PSG7: variants seen among roughly 807,000 people sequenced by gnomAD.
The protein encoded by PSG7 is pregnancy-specific beta-1-glycoprotein 7.
Under a neutral mutation model 45.6 loss-of-function variants are expected in PSG7, and 57 were observed. The observed-to-expected ratio is 1.25, with a 90% confidence interval of 1.01 to 1.56. The LOEUF (loss-of-function observed/expected upper bound fraction) is 1.56, where lower values mean the gene tolerates loss of function less well. PSG7 is among the 40% of genes most tolerant of loss of function. The probability of loss-of-function intolerance (pLI) is 0.00; values close to 1 mark genes in which losing one functional copy is unlikely to be tolerated. For synonymous variants in PSG7, 298 were observed against 194.4 expected (o/e 1.53, Z -4.43); for missense variants, 796 against 508.4 (o/e 1.57, Z -5.44).
At chr19:42,924,959 A>G in intron 5 of PSG7, 135 bp from the exon 6 acceptor site, 1 of 680,946 alleles carries the variant, frequency 1.5e-6, no homozygotes, top group East Asian at 2.6e-5. Context: ...TTTCAGTAGA[A>G]TAAGTTTGTT....
rs752558203 is a variant in PSG7 at position 42,929,463 on chromosome 19, G to C, written c.688C>G (p.Pro230Ala). ...RNPVSASRSD[P>A]VTLNLLPKLP... ...TCACGGAGGAGATTCAGGGTGACTGGGTCACTGCGGCTGGCACTCACTGGG... is the reference window on the plus strand; with the variant it reads ...TCACGGAGGAGATTCAGGGTGACTGCGTCACTGCGGCTGGCACTCACTGGG... The change falls in exon 3 of 6, where the codon CCA becomes GCA. Residue 230 changes from proline to alanine, a missense_variant. Coordinates refer to ENST00000406070, the MANE Select transcript of PSG7 (RefSeq NM_002783.3). 1.9e-6 allele frequency: 3 copies of C among 1,612,484 alleles called. No homozygotes were observed. Among genetic ancestry groups the C allele is most frequent in the Non-Finnish European group, 1.7e-6 (2 of 1,179,136 alleles).
At chr19:42,932,137 C>T (rs4426457) in intron 2 of PSG7, among the ~76,000 whole-genome samples, 114,675 of 150,994 alleles carry the variant, frequency 0.76, 44,335 homozygotes, top group East Asian at 1. Flanking sequence ...CATTCTCCTG[C>T]CTCAGCCTCC....
Position 42,926,240 on chromosome 19 carries a change from A to C in PSG7, c.988+198T>G, listed in dbSNP as rs1363459946. 6.6e-5 allele frequency: 92 copies of C among 1,386,590 alleles called. 2 individuals are homozygous for C. Among genetic ancestry groups the C allele is most frequent in the South Asian group, 3.2e-4 (21 of 66,468 alleles). 85.9% of individuals were successfully genotyped at this position (1,386,590 alleles called of 1,614,324 possible). On this transcript the variant is annotated intron_variant, in intron 4 of 5. Transcript: ENST00000406070. The stretch of plus-strand genomic sequence containing the variant: ...CAAGTCTCCCATGACAAGAGCGTCC[A>C]CTCCCCTTATATTCTTGGTTAAGGC...
intron 5 of PSG7, 139 bp from the exon 6 acceptor site, chr19:42,924,963 G>A (rs528507488): frequency 7.4e-6 from 5 of 672,840 alleles, no homozygotes; most frequent in East Asian, 2.6e-5. Context: ...AGTAGAATAA[G>A]TTTGTTTGCA....
At chr19:42,926,066 G>T (rs200429477) in intron 4 of PSG7, 39 bp from the exon 5 acceptor site, 4 of 1,602,550 alleles carry the variant, frequency 2.5e-6, no homozygotes, top group Middle Eastern at 1.7e-4. Context: ...GATGTTATCC[G>T]AGGGAAGGGG....
In PSG7 at chr19:42,926,697, G is replaced by A. The variant is rs755456240; in HGVS notation, c.729C>T (p.Tyr243=). The A allele has an allele frequency of 6.8e-6, 11 of 1,610,456 alleles. No homozygotes were observed. The highest frequency in any genetic ancestry group is 3.3e-5 in the Admixed American group (2 of 59,874). Residue 243 remains tyrosine (Y), a synonymous_variant, in exon 4 of 6, where the codon TAC becomes TAT. Transcript: ENST00000406070. The part of the protein sequence containing the change: ...LNLLPKLPKP[Y]ITINNLNPRE... The stretch of plus-strand genomic sequence containing the variant: ...TGGGGTTTAAGTTATTGATGGTGAT[G>A]TAGGGCTTGGGCAGCTTCGCTGTGT...
rs768761409 is a variant in PSG7, at chr19:42,926,607, C to G, written c.819G>C (p.Trp273Cys). The part of the protein sequence containing the change: ...EPKSENYTYI[W>C]WLNGQSLPVS... Reference sequence around the variant, plus strand: ...CCGGGAGGCTCTGACCATTTAGCCACCAAATGTAGGTGTAGTTCTCACTCT... The same window carrying G: ...CCGGGAGGCTCTGACCATTTAGCCAGCAAATGTAGGTGTAGTTCTCACTCT... Residue 273 changes from tryptophan to cysteine, a missense_variant, in exon 4 of 6, where the codon TGG (tryptophan) becomes TGC (cysteine). Physicochemically the swap from Trp to Cys is radical, Grantham distance 215. Transcript: ENST00000406070. 6.2e-7 allele frequency: 1 copy of G among 1,610,268 alleles called. No homozygotes were observed. Among genetic ancestry groups the G allele is most frequent in the Non-Finnish European group, 8.5e-7 (1 of 1,179,030 alleles).
Position 42,929,704 on chromosome 19 carries a change from G to A in PSG7, c.447C>T (p.Pro149=), listed in dbSNP as rs1972977187. 1 of 1,612,134 alleles carries A rather than the reference G, an allele frequency of 6.2e-7. No homozygotes were observed. The highest frequency in any genetic ancestry group is 1.3e-5 in the African/African-American group (1 of 74,700). ...TFTLYLETPK[P]SISSSNFNPR... ...GGTTGAAATTGCTGCTGGAGATGGA[G>A]GGTTTGGGAGTCTCCACTGTGCGGA... is the stretch of plus-strand genomic sequence containing the variant. The change falls in exon 3 of 6, where the codon CCC becomes CCT. Residue 149 remains proline (P), a synonymous_variant. Coordinates refer to ENST00000406070, the MANE Select transcript of PSG7 (RefSeq NM_002783.3).
chr19:42,929,653 A>G lies in PSG7; in HGVS notation c.498T>C (p.Ile166=), dbSNP rs1065178. The G allele has an allele frequency of 0.31, 507,595 of 1,611,904 alleles. 92,389 individuals carry two copies. The highest frequency in any genetic ancestry group is 0.57 in the African/African-American group (42,424 of 74,544). The change falls in exon 3 of 6, where the codon ATT becomes ATC. Residue 166 remains isoleucine (I), a synonymous_variant. Transcript: ENST00000406070. ...CTGGAGTCTCAGGATCACAGGTTAAAATCACAGCCTCCGTGGCCTCCCTGG... is the reference window on the plus strand; with the variant it reads ...CTGGAGTCTCAGGATCACAGGTTAAGATCACAGCCTCCGTGGCCTCCCTGG... The part of the protein sequence containing the change: ...FNPREATEAV[I]LTCDPETPDA...
rs59007849 is a variant in PSG7, at chr19:42,929,733, CAG to C, written c.431-15_431-14del. The C allele has an allele frequency of 2.5e-6, 4 of 1,609,002 alleles. No homozygotes were observed. Among genetic ancestry groups the C allele is most frequent in the East Asian group, 2.2e-5 (1 of 44,774 alleles). Reference sequence around the variant, plus strand: ...TTGGGAGTCTCCACTGTGCGGAAAACAGAGAGAAGATTGCCCTGTGTGGCACC... The same window carrying C: ...TTGGGAGTCTCCACTGTGCGGAAAACAGAGAAGATTGCCCTGTGTGGCACC... On this transcript the variant is annotated splice_polypyrimidine_tract_variant and intron_variant, in intron 2 of 5. Transcript: ENST00000406070.
chr19:42,932,935 G>A (rs1332029554), intron 2 of PSG7, among the ~76,000 whole-genome samples: 1 of 150,942 alleles, frequency 6.6e-6, no homozygotes, highest in Non-Finnish European at 1.5e-5. Flanking sequence ...TGTAGAACGT[G>A]AGATTGGTCT....
Position 42,924,758 on chromosome 19 carries a change from G to T in PSG7, c.*50C>A. On this transcript the variant is annotated 3_prime_UTR_variant, in exon 6 of 6. Coordinates refer to ENST00000406070, the MANE Select transcript of PSG7 (RefSeq NM_002783.3). ...GGGCTTCTGGAACAGAGTGGGTCTT[G>T]CTCTTTGAGGTTCCATGGGAGAAGA... The T allele has an allele frequency of 2.6e-6, 2 of 767,872 alleles. No individual in the cohort carries two copies. Among genetic ancestry groups the T allele is most frequent in the Non-Finnish European group, 2.4e-6 (1 of 417,502 alleles). 47.6% of individuals were successfully genotyped at this position (767,872 alleles called of 1,614,324 possible). A position where few individuals can be genotyped will look rare whatever the true frequency, so the allele number is the denominator to read the frequency against.
At chr19:42,925,395 T>C (rs1600560474) in intron 5 of PSG7, 1 of 437,336 alleles carries the variant, frequency 2.3e-6, no homozygotes, top group East Asian at 5.4e-5. Context: ...TTCCCAGAAG[T>C]ATAGTTTATT....
chr19:42,925,686 G>A, intron 5 of PSG7, 87 bp downstream of exon 5: 1 of 1,602,348 alleles, frequency 6.2e-7, no homozygotes, highest in Non-Finnish European at 8.5e-7. Context: ...CACAGGCTGG[G>A]AATACAAATG....
At chr19:42,927,976 C>G (rs933798252) in intron 3 of PSG7, among the ~76,000 whole-genome samples, 3 of 151,684 alleles carry the variant, frequency 2.0e-5, no homozygotes, top group Admixed American at 6.6e-5. Flanking sequence ...CATCCCAAAT[C>G]TGATAGATTC....
chr19:42,935,421 A>C lies in PSG7; in HGVS notation c.413T>G (p.Phe138Cys). The change falls in exon 2 of 6, where the codon TTC becomes TGC. Residue 138 changes from phenylalanine to cysteine, a missense_variant. By Grantham distance (205) the Phe-to-Cys change is radical. Transcript: ENST00000406070. ...TCACTCACGGTATAAGGTGAAGGTG[A>C]AACGTCCAGTTACTCCTCCAGTCCC... ...GDGTGGVTGR[F>C]TFTLYLETPK... The C allele has an allele frequency of 6.2e-7, 1 of 1,611,840 alleles. No homozygotes were observed. The highest frequency in any genetic ancestry group is 1.1e-5 in the South Asian group (1 of 90,756).
chr19:42,929,680 G>A lies in PSG7; in HGVS notation c.471C>T (p.Asn157=). The part of the protein sequence containing the change: ...PKPSISSSNF[N]PREATEAVIL... ...TCACAGCCTCCGTGGCCTCCCTGGG[G>A]TTGAAATTGCTGCTGGAGATGGAGG... Residue 157 remains asparagine (N), a synonymous_variant, in exon 3 of 6, where the codon AAC becomes AAT. Coordinates refer to ENST00000406070, the MANE Select transcript of PSG7 (RefSeq NM_002783.3). 2.5e-6 allele frequency: 4 copies of A among 1,612,402 alleles called. No individual in the cohort carries two copies. The highest frequency in any genetic ancestry group is 3.4e-6 in the Non-Finnish European group (4 of 1,179,156).
intron 2 of PSG7, among the ~76,000 whole-genome samples, chr19:42,933,297 ATATATATATATTTTT>A (rs1457278259): frequency 3.0e-4 from 4 of 13,252 alleles, no homozygotes; most frequent in East Asian, 4.3e-3. Context: ...ATATATATAT[ATATATATATATTTTT>A]TTTTTTTTTT....
At position 42,933,308 on chromosome 19, in the gene PSG7, T is replaced by TATATATATATA. The variant is rs1555745220; in HGVS notation, c.430+2095_430+2096insTATATATATAT. On this transcript the variant is annotated intron_variant, in intron 2 of 5. Coordinates refer to ENST00000406070, the MANE Select transcript of PSG7 (RefSeq NM_002783.3). ...ATATATATATATATATATATATATA[T>TATATATATATA]TTTTTTTTTTTTTTGGTGTATGTAT... Among the ~76,000 whole-genome samples the TATATATATATA allele has an allele frequency of 9.1e-3, 107 of 11,750 alleles. 3 individuals carry two copies. Among genetic ancestry groups the TATATATATATA allele is most frequent in the Non-Finnish European group, 0.015 (78 of 5,302 alleles). 7.7% of individuals were successfully genotyped at this position (11,750 alleles called of 152,430 possible).
Sources: gnomAD v4.1 joint callset for allele counts (sites outside exome capture counted in the v4.1 genomes callset) on GRCh38, gnomAD v4.1.1 for gene constraint, MANE v1.5 for transcripts, NCBI Gene and HGNC (gene_info 2026-07-23, HGNC 2026-07-21) for gene names.